The following NOX4 variants were observed in gnomAD, a reference collection of about 807,000 sequenced individuals.
NOX4 encodes the protein kidney oxidase-1.
Under a neutral mutation model 87.6 loss-of-function variants are expected in NOX4, and 69 were observed. The observed-to-expected ratio is 0.79, with a 90% CI of 0.65 to 0.96. The LOEUF is 0.96. NOX4 is among the 40% of genes least tolerant of loss of function. NOX4 has a pLI of 0.00. For missense variants in NOX4, 680 were observed against 681.5 expected (o/e 1.00, Z 0.02); for synonymous variants, 275 against 238.2 (o/e 1.15, Z -1.42).
chr11:89,436,137 T>C (rs556040371), intron 6 of NOX4, among the ~76,000 whole-genome samples: 3 of 152,266 alleles, frequency 2.0e-5, no homozygotes, highest in African/African-American at 7.2e-5. Context: ...CTGTTAGATG[T>C]TAAATGCTAG....
At chr11:89,382,298 A>G (rs575663628) in intron 11 of NOX4, among the ~76,000 whole-genome samples, 8 of 151,856 alleles carry the variant, frequency 5.3e-5, no homozygotes, top group African/African-American at 1.9e-4. Context: ...TTCAACTCAC[A>G]CCTGACCTAA....
At chr11:89,506,600 T>A in the NOX4 span, among the ~76,000 whole-genome samples, 105 of 151,916 alleles carry the variant, frequency 6.9e-4, no homozygotes, top group South Asian at 1.7e-3. Context: ...CATTAAAGTA[T>A]ATAACTTCTG....
chr11:89,518,374 G>GC, the NOX4 span, among the ~76,000 whole-genome samples: 1 of 96,356 alleles, frequency 1.0e-5, no homozygotes, highest in African/African-American at 6.6e-5. Context: ...AGAAAGTCTT[G>GC]GGGGGGGGAC....
Position 89,408,718 on chromosome 11 carries a change from T to C in NOX4, c.630-6176A>G, listed in dbSNP as rs144451206. On this transcript the variant is annotated intron_variant, in intron 8 of 17. Transcript: ENST00000263317. ...TCTTACTGGTGGGGTGGTCCAAGCT[T>C]ACAAGATAGGAATAACATCATGTGT... Among the ~76,000 whole-genome samples, 249 of 152,310 alleles carry C rather than the reference T, an allele frequency of 1.6e-3. 1 individual carries two copies. The highest frequency in any genetic ancestry group is 5.7e-3 in the African/African-American group (235 of 41,574).
chr11:89,491,374 G>A lies in NOX4; in HGVS notation c.-128C>T. Reference sequence around the variant, plus strand: ...GCGAGGACCGAGGGTCAAAGACTGAGTGGAAGCCCGAAGGCCCGGCGCCGA... The same window carrying A: ...GCGAGGACCGAGGGTCAAAGACTGAATGGAAGCCCGAAGGCCCGGCGCCGA... On this transcript the variant is annotated 5_prime_UTR_variant, in exon 1 of 18. Transcript: ENST00000263317. The A allele has an allele frequency of 1.2e-6, 1 of 847,536 alleles. No individual in the cohort carries two copies. Among genetic ancestry groups the A allele is most frequent in the Non-Finnish European group, 1.7e-6 (1 of 572,064 alleles). 52.5% of individuals were successfully genotyped at this position (847,536 alleles called of 1,614,324 possible).
chr11:89,430,565 C>G (rs1420436890), intron 7 of NOX4, among the ~76,000 whole-genome samples: 1 of 152,040 alleles, frequency 6.6e-6, no homozygotes, highest in Admixed American at 6.6e-5. Flanking sequence ...CAATAACAGA[C>G]AAACAGAGAG....
intron 2 of NOX4, among the ~76,000 whole-genome samples, chr11:89,452,921 G>A (rs561674417): frequency 1.4e-4 from 21 of 152,106 alleles, no homozygotes; most frequent in South Asian, 6.2e-4. Context: ...TAATGCACCC[G>A]CAGTTCCAGT....
intron 2 of NOX4, among the ~76,000 whole-genome samples, chr11:89,461,190 G>C (rs2135415716): frequency 6.6e-6 from 1 of 152,064 alleles, no homozygotes; most frequent in South Asian, 2.1e-4. Flanking sequence ...GATAGCATTA[G>C]GAGATATACC....
chr11:89,326,745 G>A lies in NOX4; in HGVS notation c.*11C>T. The A allele has an allele frequency of 1.9e-6, 3 of 1,611,426 alleles. No homozygotes were observed. The highest frequency in any genetic ancestry group is 2.5e-6 in the Non-Finnish European group (3 of 1,178,590). ...TTCCTTCTTTAGAGTCCTGCTTCATGGCAAAAGTTTTCAGCTGAAAGACTC... is the reference window on the plus strand; with the variant it reads ...TTCCTTCTTTAGAGTCCTGCTTCATAGCAAAAGTTTTCAGCTGAAAGACTC... On this transcript the variant is annotated 3_prime_UTR_variant, in exon 18 of 18. Coordinates refer to ENST00000263317, the MANE Select transcript of NOX4 (RefSeq NM_016931.5).
intron 15 of NOX4, 91 bp downstream of exon 15, chr11:89,339,972 T>A (rs1945904398): frequency 1.6e-6 from 1 of 634,578 alleles, no homozygotes; most frequent in Non-Finnish European, 2.7e-6. Flanking sequence ...TATGGTTTAT[T>A]CTATGGCAAG....
intron 8 of NOX4, 27 bp from the exon 9 acceptor site, chr11:89,402,569 CAG>C (rs1565243950): frequency 2.6e-6 from 4 of 1,530,642 alleles, no homozygotes; most frequent in Admixed American, 1.7e-5. Flanking sequence ...AACAAACAAA[CAG>C]AGAAATGAAA....
At chr11:89,395,813 T>G (rs1313756418) in intron 11 of NOX4, among the ~76,000 whole-genome samples, 4 of 152,156 alleles carry the variant, frequency 2.6e-5, no homozygotes, top group Admixed American at 2.6e-4. Flanking sequence ...CACATGGTTG[T>G]AGATGTGCGG....
At chr11:89,343,339 CT>C (rs1946083092) in intron 13 of NOX4, among the ~76,000 whole-genome samples, 2 of 152,160 alleles carry the variant, frequency 1.3e-5, no homozygotes, top group Admixed American at 6.5e-5. Flanking sequence ...CTACAGTATA[CT>C]GACAGGCCTT....
chr11:89,393,964 C>G (rs1941298476), intron 11 of NOX4, among the ~76,000 whole-genome samples: 1 of 152,148 alleles, frequency 6.6e-6, no homozygotes, highest in Admixed American at 6.6e-5. Context: ...TACCTACATT[C>G]ACTTCTCTCC....
chr11:89,450,354 C>G (rs1944903344), intron 3 of NOX4, among the ~76,000 whole-genome samples: 1 of 152,168 alleles, frequency 6.6e-6, no homozygotes, highest in South Asian at 2.1e-4. Flanking sequence ...AAAGTGATCT[C>G]AAGTTAACAA....
intron 9 of NOX4, 79 bp from the exon 10 acceptor site, chr11:89,400,458 A>G (rs1333168640): frequency 2.1e-6 from 2 of 945,624 alleles, no homozygotes; most frequent in Non-Finnish European, 3.0e-6. Flanking sequence ...TGCTTATTGC[A>G]TACATTACAG....
chr11:89,414,368 T>C (rs1365519796), intron 8 of NOX4, among the ~76,000 whole-genome samples: 5 of 152,128 alleles, frequency 3.3e-5, no homozygotes, highest in Admixed American at 2.0e-4. Context: ...AGCAAAATTC[T>C]AAAAGGTATG....
At chr11:89,579,545 A>C in the NOX4 span, among the ~76,000 whole-genome samples, 1 of 152,218 alleles carries the variant, frequency 6.6e-6, no homozygotes, top group South Asian at 2.1e-4. Flanking sequence ...CCTGTAAAAT[A>C]GCCATAGAAT....
intron 13 of NOX4, among the ~76,000 whole-genome samples, chr11:89,347,856 G>T (rs1946285299): frequency 6.6e-6 from 1 of 152,180 alleles, no homozygotes. Context: ...GCCCCATGCG[G>T]TAGCTCATGT....
Sources: gnomAD v4.1 joint callset for allele counts (sites outside exome capture counted in the v4.1 genomes callset) on GRCh38, gnomAD v4.1.1 for gene constraint, MANE v1.5 for transcripts, NCBI Gene and HGNC (gene_info 2026-07-23, HGNC 2026-07-21) for gene names.